The following OXR1 variants were observed in gnomAD, a reference collection of about 807,000 sequenced individuals.
OXR1 encodes oxidation resistance 1.
Under a neutral mutation model 104.6 loss-of-function variants are expected in OXR1, and 41 were observed. The observed-to-expected ratio is 0.39, with a 90% confidence interval of 0.31 to 0.51. OXR1 has a LOEUF of 0.51. Among genes scored for constraint, OXR1 ranks in the 20% least tolerant of loss-of-function variants. The pLI, the probability that OXR1 is intolerant of heterozygous loss-of-function variation, is 0.77. For missense variants in OXR1, 955 were observed against 1,031.9 expected (o/e 0.93, Z 1.02); for synonymous variants, 348 against 348.4 (o/e 1.00, Z 0.01).
intron 1 of OXR1, among the ~76,000 whole-genome samples, chr8:106,338,951 C>G (rs186733857): frequency 1.3e-5 from 2 of 152,210 alleles, no homozygotes; most frequent in African/African-American, 4.8e-5. Context: ...CTCCCTCTGT[C>G]TCTTCAAGCT....
chr8:106,736,318 T>C (rs1452223877), intron 11 of OXR1, among the ~76,000 whole-genome samples: 1 of 152,228 alleles, frequency 6.6e-6, no homozygotes, highest in Non-Finnish European at 1.5e-5. Flanking sequence ...TTTTCCTTTT[T>C]TCTATTCTCA....
chr8:106,305,635 C>T (rs544391135), intron 1 of OXR1, among the ~76,000 whole-genome samples: 2 of 152,210 alleles, frequency 1.3e-5, no homozygotes, highest in African/African-American at 2.4e-5. Flanking sequence ...CCCCAAAATA[C>T]ACACCCACCC....
At chr8:106,404,488 T>C (rs13439885) in intron 2 of OXR1, among the ~76,000 whole-genome samples, 33,415 of 152,096 alleles carry the variant, frequency 0.22, 4,996 homozygotes, top group East Asian at 0.42. Flanking sequence ...TTGTCAATCT[T>C]AGCCCTATGG....
intron 1 of OXR1, among the ~76,000 whole-genome samples, chr8:106,358,439 C>T (rs555268748): frequency 1.3e-5 from 2 of 152,348 alleles, no homozygotes; most frequent in South Asian, 2.1e-4. Flanking sequence ...TGTGCTCCCA[C>T]ATGCCCTGTA....
chr8:106,420,018 G>A (rs553599829), intron 2 of OXR1, among the ~76,000 whole-genome samples: 12 of 152,192 alleles, frequency 7.9e-5, no homozygotes, highest in Non-Finnish European at 1.2e-4. Context: ...GCATTTTTAT[G>A]TAAAGAGGAG....
At chr8:106,533,414 A>T (rs1353930237) in intron 3 of OXR1, among the ~76,000 whole-genome samples, 1 of 152,244 alleles carries the variant, frequency 6.6e-6, no homozygotes, top group Non-Finnish European at 1.5e-5. Flanking sequence ...GGTGTTTATG[A>T]AAGCTATGTT....
At chr8:106,351,395 C>T (rs1054152381) in intron 1 of OXR1, among the ~76,000 whole-genome samples, 2 of 152,004 alleles carry the variant, frequency 1.3e-5, no homozygotes, top group Non-Finnish European at 1.5e-5. Flanking sequence ...CACATAATGA[C>T]GATTAGGCAA....
chr8:106,467,748 A>G (rs1821251958), intron 2 of OXR1, among the ~76,000 whole-genome samples: 2 of 152,034 alleles, frequency 1.3e-5, no homozygotes, highest in South Asian at 4.2e-4. Flanking sequence ...TAGGAGCACA[A>G]GACATCCATG....
chr8:106,741,896 C>G (rs1834950860), intron 14 of OXR1, among the ~76,000 whole-genome samples: 2 of 152,122 alleles, frequency 1.3e-5, no homozygotes, highest in East Asian at 1.9e-4. Flanking sequence ...ATCATGTTAT[C>G]CATATCATAC....
intron 1 of OXR1, among the ~76,000 whole-genome samples, chr8:106,303,248 C>CTTTTTTTTTTTTTTTTTTTT (rs1164596413): frequency 1.1e-5 from 1 of 92,364 alleles, no homozygotes; most frequent in Non-Finnish European, 2.0e-5. Flanking sequence ...TTTTTTCTTT[C>CTTTTTTTTTTTTTTTTTTTT]TTTTTTTTTT....
chr8:106,312,442 C>G (rs538500161), intron 1 of OXR1, among the ~76,000 whole-genome samples: 22 of 152,304 alleles, frequency 1.4e-4, no homozygotes, highest in African/African-American at 5.3e-4. Flanking sequence ...GTGCCCTGGC[C>G]TCAGATGTCA....
chr8:106,404,016 G>T (rs1021850023), intron 2 of OXR1, among the ~76,000 whole-genome samples: 2 of 152,096 alleles, frequency 1.3e-5, no homozygotes, highest in Admixed American at 6.6e-5. Context: ...AGGCCTCAGA[G>T]GATACCATTT....
Position 106,397,863 on chromosome 8 carries a change from C to T in OXR1, c.23+38227C>T, listed in dbSNP as rs962498561. On this transcript the variant is annotated intron_variant, in intron 2 of 16. Transcript: ENST00000517566. Reference sequence around the variant, plus strand: ...GGCTTAAACAACAAAAATGTATTGTCTCACAGTTCTGGAGACCACAAGCCA... The same window carrying T: ...GGCTTAAACAACAAAAATGTATTGTTTCACAGTTCTGGAGACCACAAGCCA... Among the ~76,000 whole-genome samples the T allele has an allele frequency of 5.3e-5, 8 of 152,242 alleles. No homozygotes were observed. The East Asian group carries it at 1.2e-3, about 22-fold the overall frequency.
At chr8:106,621,675 T>G (rs1364007019) in intron 3 of OXR1, among the ~76,000 whole-genome samples, 1 of 152,156 alleles carries the variant, frequency 6.6e-6, no homozygotes, top group Admixed American at 6.5e-5. Flanking sequence ...GTGTTACTTT[T>G]GAGGATAGGG....
intron 3 of OXR1, among the ~76,000 whole-genome samples, chr8:106,618,422 A>G (rs561057130): frequency 1.3e-5 from 2 of 152,312 alleles, no homozygotes; most frequent in East Asian, 3.9e-4. Context: ...TATCTTTCTA[A>G]AAAGACTTTA....
At chr8:106,515,244 A>G (rs1391467086) in intron 2 of OXR1, among the ~76,000 whole-genome samples, 2 of 152,082 alleles carry the variant, frequency 1.3e-5, no homozygotes, top group Admixed American at 1.3e-4. Context: ...ATGTTTTGAA[A>G]TATGTATATG....
chr8:106,545,276 GTGAT>G (rs1447200215), intron 3 of OXR1, among the ~76,000 whole-genome samples: 1 of 152,316 alleles, frequency 6.6e-6, no homozygotes, highest in Non-Finnish European at 1.5e-5. Flanking sequence ...TTTAGATAAT[GTGAT>G]TGATTGTCTG....
At chr8:106,500,016 A>G (rs1290107882) in intron 2 of OXR1, among the ~76,000 whole-genome samples, 2 of 152,216 alleles carry the variant, frequency 1.3e-5, no homozygotes, top group African/African-American at 4.8e-5. Context: ...GTGACCCAGG[A>G]ATCACAAGTG....
chr8:106,750,725 T>C, intron 16 of OXR1, 81 bp from the exon 17 acceptor site: 1 of 954,266 alleles, frequency 1.0e-6, no homozygotes, highest in Non-Finnish European at 1.6e-6. Flanking sequence ...ACTTTAGGGT[T>C]GTTAGGTATT....
Sources: allele counts gnomAD v4.1 joint callset (sites outside exome capture counted in the v4.1 genomes callset), GRCh38; gene constraint gnomAD v4.1.1; transcripts MANE v1.5; gene names NCBI Gene and HGNC (gene_info 2026-07-23, HGNC 2026-07-21).